SPTBN1: variants seen among roughly 807,000 people sequenced by gnomAD.
SPTBN1 encodes spectrin beta chain, non-erythrocytic 1.
A neutral mutation model predicts 266.4 loss-of-function variants in SPTBN1; 32 were observed. The observed-to-expected ratio is 0.12, with a 90% CI of 0.09 to 0.16. SPTBN1 has a LOEUF of 0.16. Ranked by LOEUF, SPTBN1 falls within the 10% of genes least tolerant of loss-of-function variation. The pLI, the probability that SPTBN1 is intolerant of heterozygous loss-of-function variation, is 1.00. For missense variants in SPTBN1, 2,296 were observed against 3,067.1 expected, an observed-to-expected ratio of 0.75 and a Z score of 5.94; for synonymous variants, 1,336 against 1,162.2, an observed-to-expected ratio of 1.15 and a Z score of -3.04.
chr2:54,566,830 C>CA (rs985868093), intron 2 of SPTBN1, among the ~76,000 whole-genome samples: 36 of 142,842 alleles, frequency 2.5e-4, no homozygotes, highest in South Asian at 6.7e-4. Context: ...GACTCCATCT[C>CA]AAAAAAAAAA....
intron 1 of SPTBN1, among the ~76,000 whole-genome samples, chr2:54,495,818 G>A (rs1370220536): frequency 1.3e-5 from 2 of 151,734 alleles, no homozygotes; most frequent in Non-Finnish European, 2.9e-5. Flanking sequence ...GATTTTTTTG[G>A]TTGTATAATT....
chr2:54,551,743 T>G (rs1672577258), intron 2 of SPTBN1, among the ~76,000 whole-genome samples: 1 of 152,102 alleles, frequency 6.6e-6, no homozygotes, highest in Admixed American at 6.5e-5. Flanking sequence ...GGGGAAGGTG[T>G]AAAGAGAGGG....
chr2:54,559,698 A>G (rs1457847909), intron 2 of SPTBN1, among the ~76,000 whole-genome samples: 1 of 152,188 alleles, frequency 6.6e-6, no homozygotes, highest in African/African-American at 2.4e-5. Context: ...TATACATGAA[A>G]AAAGGTTCCT....
chr2:54,623,682 G>A (rs2103881783), intron 10 of SPTBN1, 86 bp downstream of exon 10: 1 of 1,092,378 alleles, frequency 9.2e-7, no homozygotes, highest in South Asian at 1.6e-5. Context: ...AAGAGGACAA[G>A]AGACTGGAAG....
intron 1 of SPTBN1, among the ~76,000 whole-genome samples, chr2:54,463,528 T>C (rs1194986391): frequency 6.6e-6 from 1 of 152,190 alleles, no homozygotes; most frequent in African/African-American, 2.4e-5. Flanking sequence ...ACACGCTAAG[T>C]GACCTTGGGC....
intron 5 of SPTBN1, 73 bp downstream of exon 5, chr2:54,616,371 G>A (rs1572688225): frequency 1.0e-5 from 13 of 1,286,174 alleles, no homozygotes; most frequent in Non-Finnish European, 1.4e-5. Flanking sequence ...TCACTTAGAA[G>A]GTGTTGACAG....
intron 3 of SPTBN1, among the ~76,000 whole-genome samples, chr2:54,605,038 T>C (rs1460532865): frequency 6.6e-6 from 1 of 152,174 alleles, no homozygotes; most frequent in African/African-American, 2.4e-5. Flanking sequence ...GGGAATCCGA[T>C]GGCCAATAAT....
intron 1 of SPTBN1, 36 bp from the exon 2 acceptor site, chr2:54,526,336 C>G: frequency 6.4e-7 from 1 of 1,556,534 alleles, no homozygotes; most frequent in Non-Finnish European, 8.7e-7. Context: ...GTATACACTT[C>G]AGACGTCTAA....
intron 1 of SPTBN1, among the ~76,000 whole-genome samples, chr2:54,471,276 G>A (rs73932840): frequency 0.036 from 5,515 of 152,202 alleles, 278 homozygotes; most frequent in East Asian, 0.13. Context: ...AAGGTTCTAA[G>A]GTTTACCATC....
chr2:54,525,024 C>G (rs1670716013), intron 1 of SPTBN1, among the ~76,000 whole-genome samples: 1 of 152,150 alleles, frequency 6.6e-6, no homozygotes, highest in African/African-American at 2.4e-5. Context: ...ATATAAGCTT[C>G]CCTAGAGCCA....
intron 2 of SPTBN1, among the ~76,000 whole-genome samples, chr2:54,582,446 C>G (rs1049094558): frequency 3.3e-5 from 5 of 151,836 alleles, no homozygotes; most frequent in Non-Finnish European, 7.4e-5. Context: ...CGCCTGTAGT[C>G]CCAGCTACTC....
chr2:54,501,815 A>G (rs1669285643), intron 1 of SPTBN1, among the ~76,000 whole-genome samples: 1 of 152,178 alleles, frequency 6.6e-6, no homozygotes, highest in African/African-American at 2.4e-5. Context: ...GGACAGTGCA[A>G]AGGTGGGGGA....
intron 2 of SPTBN1, among the ~76,000 whole-genome samples, chr2:54,595,879 C>G (rs1227994779): frequency 1.3e-5 from 2 of 152,156 alleles, no homozygotes; most frequent in South Asian, 2.1e-4. Flanking sequence ...GAATCGTGAC[C>G]ATCAACACTG....
chr2:54,487,170 C>CTTTTTTTTTTTTTTTTTTTTTTTTTTTTT (rs34779689), intron 1 of SPTBN1, among the ~76,000 whole-genome samples: 1 of 98,588 alleles, frequency 1.0e-5, no homozygotes, highest in Non-Finnish European at 1.9e-5. Context: ...ATTAGGATTT[C>CTTTTTTTTTTTTTTTTTTTTTTTTTTTTT]TTTTTTTTTT....
chr2:54,603,808 T>C (rs1451228335), intron 3 of SPTBN1, among the ~76,000 whole-genome samples: 1 of 152,174 alleles, frequency 6.6e-6, no homozygotes, highest in Non-Finnish European at 1.5e-5. Flanking sequence ...TGAATGTGTA[T>C]AGCAAAAATC....
intron 2 of SPTBN1, among the ~76,000 whole-genome samples, chr2:54,595,226 T>G (rs567078491): frequency 6.6e-6 from 1 of 152,362 alleles, no homozygotes; most frequent in East Asian, 1.9e-4. Context: ...GGCACTTTGA[T>G]GTGCACTTTA....
chr2:54,489,809 A>C (rs1668593800), intron 1 of SPTBN1, among the ~76,000 whole-genome samples: 1 of 152,236 alleles, frequency 6.6e-6, no homozygotes, highest in South Asian at 2.1e-4. Flanking sequence ...CTAATTGGGA[A>C]TGTTTTGGAA....
chr2:54,466,691 TA>T (rs1474427176), intron 1 of SPTBN1, among the ~76,000 whole-genome samples: 1 of 152,132 alleles, frequency 6.6e-6, no homozygotes, highest in Non-Finnish European at 1.5e-5. Context: ...CATCTCTGTA[TA>T]TTTTTTTCTC....
At chr2:54,476,406 T>G (rs1026219984) in intron 1 of SPTBN1, among the ~76,000 whole-genome samples, 4 of 152,242 alleles carry the variant, frequency 2.6e-5, no homozygotes, top group African/African-American at 9.6e-5. Context: ...TCCCATCAGC[T>G]TCTTTGAAGC....
Sources: gnomAD v4.1 joint callset for allele counts (sites outside exome capture counted in the v4.1 genomes callset) on GRCh38, gnomAD v4.1.1 for gene constraint, MANE v1.5 for transcripts, NCBI Gene and HGNC (gene_info 2026-07-23, HGNC 2026-07-21) for gene names.